The following ACACA variants were observed in gnomAD, a reference collection of about 807,000 sequenced individuals.
ACACA encodes acetyl-CoA carboxylase alpha, also known as acetyl-CoA carboxylase 1.
In ACACA, 103 loss-of-function variants were observed where a neutral mutation model predicts 296.1. That is an observed-to-expected ratio of 0.35 (90% CI 0.30 to 0.41). ACACA has a LOEUF of 0.41. ACACA is among the 10% of genes least tolerant of loss of function. The pLI is 1.00. For synonymous variants in ACACA, 953 were observed against 1,038.6 expected (o/e 0.92, Z 1.58); for missense variants, 1,554 against 2,989.7 (o/e 0.52, Z 11.20).
chr17:37,153,359 T>C (rs1159262883), intron 43 of ACACA, among the ~76,000 whole-genome samples: 1 of 152,174 alleles, frequency 6.6e-6, no homozygotes, highest in East Asian at 1.9e-4. Context: ...TACAAGATAT[T>C]TTAAATTTTT....
At chr17:37,200,322 C>A (rs1017084006) in intron 34 of ACACA, 105 bp downstream of exon 34, 42 of 1,373,702 alleles carry the variant, frequency 3.1e-5, no homozygotes, top group Non-Finnish European at 4.2e-5. Flanking sequence ...GTGGTTATTT[C>A]TCTGCATAAA....
chr17:37,148,027 A>G (rs1390558245), intron 45 of ACACA, among the ~76,000 whole-genome samples: 2 of 152,076 alleles, frequency 1.3e-5, no homozygotes, highest in East Asian at 1.9e-4. Flanking sequence ...AAGAAACTCA[A>G]TATAAGAAGA....
intron 5 of ACACA, 70 bp downstream of exon 5, chr17:37,283,197 C>A: frequency 6.3e-7 from 1 of 1,580,316 alleles, no homozygotes; most frequent in South Asian, 1.1e-5. Flanking sequence ...TTAACATTCT[C>A]CTACTTAAAG....
At position 37,260,278 on chromosome 17, in the gene ACACA, ATATATATATATATATATAT is replaced by A. The variant is rs1356370791; in HGVS notation, c.1330-767_1330-749del. ...TATATATATATATATATATATATAT[ATATATATATATATATATAT>A]TTTTTTTTTTTTTTTTTTTGGAGAT... is the stretch of plus-strand genomic sequence containing the variant. On this transcript the variant is annotated intron_variant, in intron 11 of 55. Transcript: ENST00000616317. 1.8e-3 allele frequency among the ~76,000 whole-genome samples: 55 copies of A among 31,202 alleles called. 1 individual carries two copies. Among genetic ancestry groups the A allele is most frequent in the African/African-American group, 8.1e-3 (45 of 5,544 alleles). The allele number at this position is 31,202 out of a possible 152,430, so 20.5% of individuals were successfully genotyped here.
At chr17:37,319,990 G>T (rs1006498885) in intron 3 of ACACA, among the ~76,000 whole-genome samples, 1 of 151,696 alleles carries the variant, frequency 6.6e-6, no homozygotes, top group Non-Finnish European at 1.5e-5. Context: ...AGCTGGGAAT[G>T]GTGGCACATA....
chr17:37,116,177 G>GCCC (rs1307518904), intron 50 of ACACA, among the ~76,000 whole-genome samples: 1 of 152,052 alleles, frequency 6.6e-6, no homozygotes, highest in Non-Finnish European at 1.5e-5. Context: ...ATTTTTTGTA[G>GCCC]AGACGGGGTT....
At chr17:37,296,142 T>C (rs1598425127) in intron 3 of ACACA, among the ~76,000 whole-genome samples, 1 of 152,112 alleles carries the variant, frequency 6.6e-6, no homozygotes, top group African/African-American at 2.4e-5. Flanking sequence ...GTATATCCTA[T>C]GTAAAGGAAG....
Position 37,248,076 on chromosome 17 carries a change from G to A in ACACA, c.2244C>T (p.Asp748=), listed in dbSNP as rs369806793. Residue 748 remains aspartate, a synonymous_variant, in exon 18 of 56, where the codon GAC becomes GAT. Transcript: ENST00000616317. ...CVEVDVHRLS[D]GGLLLSYDGS... ...CATCATAGGACAAGAGCAGTCCACC[G>A]TCACTCAGCCGATGTACATCTACTT... 74 of 1,613,900 alleles carry A rather than the reference G, an allele frequency of 4.6e-5. No individual in the cohort carries two copies. The Middle Eastern group carries it at 4.9e-4, about 11-fold the overall frequency.
intron 10 of ACACA, among the ~76,000 whole-genome samples, 175 bp downstream of exon 10, chr17:37,270,576 T>A (rs2082024646): frequency 6.6e-6 from 1 of 152,200 alleles, no homozygotes; most frequent in East Asian, 1.9e-4. Context: ...GTTGGACATT[T>A]CATTAACCTT....
chr17:37,141,399 C>A, intron 45 of ACACA: 1 of 328,140 alleles, frequency 3.0e-6, no homozygotes, highest in Non-Finnish European at 5.9e-6. Flanking sequence ...TCCACGGTTC[C>A]CCATCTCAGG....
At chr17:37,274,856 G>C (rs2082209429) in intron 8 of ACACA, among the ~76,000 whole-genome samples, 1 of 152,152 alleles carries the variant, frequency 6.6e-6, no homozygotes, top group South Asian at 2.1e-4. Flanking sequence ...GATCTGGAGA[G>C]GATATTGCAA....
chr17:37,207,040 C>A (rs575492661), intron 31 of ACACA, among the ~76,000 whole-genome samples, 161 bp from the exon 32 acceptor site: 79 of 152,278 alleles, frequency 5.2e-4, no homozygotes, highest in African/African-American at 1.8e-3. Context: ...AAAATTTCAC[C>A]AAGTGGCAGA....
At chr17:37,274,567 A>G (rs1441025175) in intron 8 of ACACA, 12 of 949,550 alleles carry the variant, frequency 1.3e-5, no homozygotes, top group African/African-American at 1.8e-5. Flanking sequence ...CAAGATCAAA[A>G]CAAACAAAAA....
chr17:37,221,584 C>T (rs1479799199), intron 29 of ACACA, 140 bp downstream of exon 29: 8 of 785,480 alleles, frequency 1.0e-5, no homozygotes, highest in Non-Finnish European at 1.8e-5. Context: ...CCAAAAGGCT[C>T]TTCTCTTTTG....
chr17:37,352,088 A>G (rs922428281), intron 1 of ACACA, among the ~76,000 whole-genome samples: 16 of 151,266 alleles, frequency 1.1e-4, no homozygotes, highest in African/African-American at 3.9e-4. Context: ...CTGCCACCAC[A>G]TTCGTCTTTT....
rs1491485396 is a variant in ACACA, at chr17:37,174,021, T to TATATATATATATA, written c.5079+5238_5079+5239insTATATATATATAT. On this transcript the variant is annotated intron_variant, in intron 41 of 55. Coordinates refer to ENST00000616317, the MANE Select transcript of ACACA (RefSeq NM_198834.3). The stretch of plus-strand genomic sequence containing the variant: ...ATATATATATATATATATATATATA[T>TATATATATATATA]TTTTTTTTTTTTTTTTTTTTGTAGC... Among the ~76,000 whole-genome samples, 38 of 11,430 alleles carry TATATATATATATA rather than the reference T, an allele frequency of 3.3e-3. 2 individuals carry two copies. The highest frequency in any genetic ancestry group is 5.1e-3 in the Non-Finnish European group (33 of 6,466). The allele number at this position is 11,430 out of a possible 152,430, so 7.5% of individuals were successfully genotyped here. A position where few individuals can be genotyped will look rare whatever the true frequency, so the allele number is the denominator to read the frequency against.
At chr17:37,288,315 A>C (rs997948233) in intron 3 of ACACA, among the ~76,000 whole-genome samples, 1 of 152,174 alleles carries the variant, frequency 6.6e-6, no homozygotes, top group African/African-American at 2.4e-5. Context: ...TTTGGGCCCC[A>C]AGTCCATGGA....
chr17:37,362,053 C>G (rs1277280595), intron 1 of ACACA, among the ~76,000 whole-genome samples: 2 of 152,022 alleles, frequency 1.3e-5, no homozygotes. Context: ...GACTGTCGTC[C>G]TTATAAGACG....
intron 42 of ACACA, among the ~76,000 whole-genome samples, chr17:37,159,366 C>T (rs892193653): frequency 2.6e-5 from 4 of 151,960 alleles, no homozygotes; most frequent in Non-Finnish European, 4.4e-5. Flanking sequence ...GGATTACAGA[C>T]GTGTGCTACC....
Sources: gnomAD v4.1 joint callset for allele counts (sites outside exome capture counted in the v4.1 genomes callset) on GRCh38, gnomAD v4.1.1 for gene constraint, MANE v1.5 for transcripts, NCBI Gene and HGNC (gene_info 2026-07-23, HGNC 2026-07-21) for gene names.